RHCE: variants seen among roughly 807,000 people sequenced by gnomAD.
RHCE encodes blood group Rh(CE) polypeptide.
RHCE carries 22 observed loss-of-function variants against 43.8 expected under a neutral mutation model. The ratio of observed to expected loss-of-function variants is 0.50; its 90% CI spans 0.36 to 0.72. The LOEUF is 0.72. Ranked by LOEUF, RHCE falls within the 30% of genes least tolerant of loss-of-function variation. RHCE has a pLI of 0.00. For synonymous variants in RHCE, 156 were observed against 210.7 expected (o/e 0.74, Z 2.25); for missense variants, 385 against 525.4 (o/e 0.73, Z 2.61).
In RHCE at chr1:25,416,874, A is replaced by G. The variant is rs529470313; in HGVS notation, c.148+3765T>C. On this transcript the variant is annotated intron_variant, in intron 1 of 9. Transcript: ENST00000294413. ...TGGTCTTGAACTTCTTGGTTTAAGCAATCCTCCCCACTTGGCCTCCCTAAG... is the reference window on the plus strand; with the variant it reads ...TGGTCTTGAACTTCTTGGTTTAAGCGATCCTCCCCACTTGGCCTCCCTAAG... Among the ~76,000 whole-genome samples the G allele has an allele frequency of 4.4e-4, 65 of 146,132 alleles. 1 individual carries two copies. Among genetic ancestry groups the G allele is most frequent in the African/African-American group, 1.6e-3 (62 of 39,334 alleles).
chr1:25,400,244 C>T (rs770179028), intron 3 of RHCE, among the ~76,000 whole-genome samples: 13 of 152,236 alleles, frequency 8.5e-5, no homozygotes, highest in Admixed American at 3.3e-4. Context: ...TTCTCATCTC[C>T]TGCTCTTGAA....
At chr1:25,395,644 T>C (rs535607206) in intron 3 of RHCE, among the ~76,000 whole-genome samples, 1 of 151,948 alleles carries the variant, frequency 6.6e-6, no homozygotes, top group South Asian at 2.1e-4. Flanking sequence ...AATCAGGGAG[T>C]TCTCATTAAT....
chr1:25,405,347 G>A (rs1216897330), intron 2 of RHCE, among the ~76,000 whole-genome samples: 5 of 152,166 alleles, frequency 3.3e-5, no homozygotes, highest in Admixed American at 3.3e-4. Flanking sequence ...AACAGAGTGA[G>A]ACCCTGTCTC....
At chr1:25,374,758 G>A (rs1645733016) in intron 8 of RHCE, among the ~76,000 whole-genome samples, 1 of 47,334 alleles carries the variant, frequency 2.1e-5, no homozygotes, top group Admixed American at 2.5e-4. Context: ...TAACTACTCA[G>A]ATAAGCTTTC....
chr1:25,370,398 T>C lies in RHCE; in HGVS notation c.1227+69A>G, dbSNP rs1027626166. 13 of 1,338,912 alleles carry C rather than the reference T, an allele frequency of 9.7e-6. No homozygotes were observed. The African/African-American group carries it at 1.5e-4, about 15-fold the overall frequency. The allele number at this position is 1,338,912 out of a possible 1,614,324, so 82.9% of individuals were successfully genotyped here. A position where few individuals can be genotyped will look rare whatever the true frequency, so the allele number is the denominator to read the frequency against. ...TTTACTCATAAACAGCAAGTCAACATATATACCCAGGTATGTTTTTAAGTT... is the reference window on the plus strand; with the variant it reads ...TTTACTCATAAACAGCAAGTCAACACATATACCCAGGTATGTTTTTAAGTT... On this transcript the variant is annotated intron_variant, in intron 9 of 9. Coordinates refer to ENST00000294413, the MANE Select transcript of RHCE (RefSeq NM_020485.8).
chr1:25,399,515 A>AT (rs1402408544), intron 3 of RHCE, among the ~76,000 whole-genome samples: 81 of 152,266 alleles, frequency 5.3e-4, no homozygotes, highest in African/African-American at 1.9e-3. Context: ...CTTAAAGAGA[A>AT]TCCAGCTTTA....
upstream of RHCE, among the ~76,000 whole-genome samples, chr1:25,422,859 C>A (rs1306325841): frequency 6.6e-6 from 1 of 152,160 alleles, no homozygotes; most frequent in Non-Finnish European, 1.5e-5. Flanking sequence ...TCCTAAGGAG[C>A]ACGCAACCTA....
At chr1:25,362,625 A>C (rs1189061439) in intron 9 of RHCE, 72 bp from the exon 10 acceptor site, 2 of 960,434 alleles carry the variant, frequency 2.1e-6, no homozygotes, top group Non-Finnish European at 1.6e-6. Context: ...CTCTTGAAAC[A>C]GCCTAAATGT....
At chr1:25,377,738 A>G (rs914928487) in intron 7 of RHCE, among the ~76,000 whole-genome samples, 1 of 151,978 alleles carries the variant, frequency 6.6e-6, no homozygotes, top group African/African-American at 2.4e-5. Flanking sequence ...ACCAAAAATT[A>G]TTTTGTCTAT....
chr1:25,380,994 C>T (rs1330449098), intron 7 of RHCE, among the ~76,000 whole-genome samples: 2 of 150,802 alleles, frequency 1.3e-5, no homozygotes, highest in Admixed American at 6.6e-5. Context: ...CTCTGCCTCC[C>T]GGGTTCATGC....
At chr1:25,404,062 C>T (rs1458883664) in intron 2 of RHCE, among the ~76,000 whole-genome samples, 2 of 146,862 alleles carry the variant, frequency 1.4e-5, no homozygotes, top group Middle Eastern at 3.2e-3. Flanking sequence ...CAGCCACTCT[C>T]GAGGCTGAGG....
intron 1 of RHCE, among the ~76,000 whole-genome samples, chr1:25,429,387 T>A (rs2042832134): frequency 6.6e-6 from 1 of 151,934 alleles, no homozygotes; most frequent in South Asian, 2.1e-4. Context: ...TCTCCTGACC[T>A]CGTGATCTAC....
chr1:25,379,833 C>A (rs1571848115), intron 7 of RHCE, among the ~76,000 whole-genome samples: 1 of 152,154 alleles, frequency 6.6e-6, no homozygotes, highest in East Asian at 1.9e-4. Flanking sequence ...TGCCACAATA[C>A]CTGGCTAACT....
At chr1:25,373,537 C>A (rs1645678955) in intron 8 of RHCE, among the ~76,000 whole-genome samples, 1 of 151,752 alleles carries the variant, frequency 6.6e-6, no homozygotes, top group Admixed American at 6.6e-5. Context: ...GCAATTCTAG[C>A]CAATCTCACA....
rs147829334 is a variant in RHCE, at chr1:25,406,976, A to G, written c.335+1707T>C. ...CTCACTCTGTTGTCCAGGCTGGAGT[A>G]AAGTGGCACGATCATGGCTCACTCA... On this transcript the variant is annotated intron_variant, in intron 2 of 9. Transcript: ENST00000294413. Among the ~76,000 whole-genome samples the G allele has an allele frequency of 2.9e-4, 34 of 119,112 alleles. 1 individual carries two copies. Among genetic ancestry groups the G allele is most frequent in the African/African-American group, 8.3e-4 (32 of 38,734 alleles). The allele number at this position is 119,112 out of a possible 152,430, so 78.1% of individuals were successfully genotyped here. A position where few individuals can be genotyped will look rare whatever the true frequency, so the allele number is the denominator to read the frequency against.
At chr1:25,400,724 C>A (rs1646711750) in intron 3 of RHCE, among the ~76,000 whole-genome samples, 1 of 151,742 alleles carries the variant, frequency 6.6e-6, no homozygotes, top group Admixed American at 6.6e-5. Context: ...CCAACCTTAA[C>A]CCTAACGCTA....
Position 25,385,831 on chromosome 1 carries a change from C to T in RHCE, c.953G>A (p.Arg318Gln). 5.0e-6 allele frequency: 8 copies of T among 1,614,020 alleles called. No homozygotes were observed. Among genetic ancestry groups the T allele is most frequent in the Non-Finnish European group, 5.9e-6 (7 of 1,180,014 alleles). ...GGAGATGTGGTGAATCCCCAGCACT[C>T]GGTTACAACACACCTGTGGACAAGT... ...GAKCLPVCCN[R>Q]VLGIHHISVM... The change falls in exon 7 of 10, where the codon CGA becomes CAA. Residue 318 changes from arginine to glutamine, a missense_variant. Arg to Gln is a conservative substitution (Grantham distance 43). This residue lies in a region of RHCE where 82 missense variants were observed against 69.2 expected (regional missense o/e 1.18). Coordinates refer to ENST00000294413, the MANE Select transcript of RHCE (RefSeq NM_020485.8).
chr1:25,392,706 G>A (rs1646416533), intron 3 of RHCE, among the ~76,000 whole-genome samples: 2 of 151,578 alleles, frequency 1.3e-5, no homozygotes, highest in African/African-American at 4.8e-5. Flanking sequence ...AAGTAGCTGG[G>A]ATTACAGGAG....
intron 6 of RHCE, among the ~76,000 whole-genome samples, chr1:25,388,740 G>A (rs2473366): frequency 2.0e-5 from 3 of 152,190 alleles, no homozygotes; most frequent in East Asian, 1.9e-4. Flanking sequence ...CTGTAGCCTG[G>A]TAACAAATTC....
Sources: gnomAD v4.1 joint callset for allele counts (sites outside exome capture counted in the v4.1 genomes callset) on GRCh38, gnomAD v4.1.1 for gene constraint, gnomAD v4.1.1 regional missense constraint, MANE v1.5 for transcripts, NCBI Gene and HGNC (gene_info 2026-07-23, HGNC 2026-07-21) for gene names.